The following LGALS9 variants were observed in gnomAD, a reference collection of about 807,000 sequenced individuals.
LGALS9 encodes galectin 9.
LGALS9 carries 26 observed loss-of-function variants against 35.9 expected under a neutral mutation model. The ratio of observed to expected loss-of-function variants is 0.72; its 90% CI spans 0.53 to 1.01. LGALS9 has a LOEUF of 1.01. LGALS9 is among the 50% of genes least tolerant of loss of function. LGALS9 has a pLI of 0.00. For synonymous variants in LGALS9, 149 were observed against 172.2 expected, an observed-to-expected ratio of 0.87 and a Z score of 1.06; for missense variants, 347 against 445.8, an observed-to-expected ratio of 0.78 and a Z score of 1.99.
At chr17:27,638,771 CTCTTT>C (rs2074483320) in intron 2 of LGALS9, 2 of 303,952 alleles carry the variant, frequency 6.6e-6, no homozygotes, top group Non-Finnish European at 1.3e-5. Context: ...GTAATTTGGT[CTCTTT>C]TGGTTTCAAG....
chr17:27,647,671 GTCACA>G (rs1905050369), intron 10 of LGALS9, among the ~76,000 whole-genome samples: 1 of 152,190 alleles, frequency 6.6e-6, no homozygotes, highest in South Asian at 2.1e-4. Flanking sequence ...CTTGCTTGTG[GTCACA>G]CAGTCAGTAA....
chr17:27,636,979 C>A (rs930158060), intron 1 of LGALS9, among the ~76,000 whole-genome samples: 15 of 152,058 alleles, frequency 9.9e-5, no homozygotes, highest in Admixed American at 2.0e-4. Context: ...CAGTCCCCAC[C>A]ACTCCCCCAC....
intron 7 of LGALS9, 74 bp from the exon 8 acceptor site, chr17:27,646,473 G>A (rs377017074): frequency 1.2e-5 from 20 of 1,606,462 alleles, no homozygotes; most frequent in African/African-American, 1.2e-4. Flanking sequence ...TCTCTAGAAC[G>A]CGTGGGTGCG....
In LGALS9 at chr17:27,646,652, C is replaced by T. The variant is rs1256830219; in HGVS notation, c.669+64C>T. ...GGTGGGCAGGCTGGGGGTGAAGGGC[C>T]GCTGTGGGGGGATCCACTGGCCTTG... is the stretch of plus-strand genomic sequence containing the variant. On this transcript the variant is annotated intron_variant, in intron 8 of 10. Coordinates refer to ENST00000395473, the MANE Select transcript of LGALS9 (RefSeq NM_009587.3). 9.5e-5 allele frequency: 153 copies of T among 1,609,342 alleles called. No homozygotes were observed. In the Middle Eastern group the frequency reaches 1.2e-3, roughly 12 times the overall value.
intron 3 of LGALS9, chr17:27,641,089 C>T (rs1598183820): frequency 3.7e-6 from 2 of 545,346 alleles, no homozygotes; most frequent in East Asian, 8.7e-5. Flanking sequence ...TTCCTCCTCT[C>T]CAGGTCACTG....
At position 27,646,587 on chromosome 17, in the gene LGALS9, A is replaced by T. The variant is rs372327965; in HGVS notation, c.668A>T (p.Tyr223Phe). ...CCTATGATGTACCCCCACCCCGCCT[A>T]TGTAAGTGGTTTCTCAGGGAGGGCA... ...IPPMMYPHPA[Y>F]PMPFITTILG... Residue 223 changes from tyrosine to phenylalanine, a missense_variant and splice_region_variant, in exon 8 of 11, where the codon TAT (tyrosine) becomes TTT (phenylalanine). By Grantham distance (22) the Tyr-to-Phe change is conservative. Coordinates refer to ENST00000395473, the MANE Select transcript of LGALS9 (RefSeq NM_009587.3). 16 of 1,612,420 alleles carry T rather than the reference A, an allele frequency of 9.9e-6. No individual in the cohort carries two copies. Among genetic ancestry groups the T allele is most frequent in the Non-Finnish European group, 1.3e-5 (15 of 1,179,932 alleles).
intron 1 of LGALS9, among the ~76,000 whole-genome samples, chr17:27,634,659 C>A (rs2074425453): frequency 6.6e-6 from 1 of 152,238 alleles, no homozygotes; most frequent in South Asian, 2.1e-4. Context: ...ACCTCTGACA[C>A]TGATCCTCCT....
chr17:27,639,593 A>C (rs1359879931), intron 2 of LGALS9, among the ~76,000 whole-genome samples: 3 of 152,052 alleles, frequency 2.0e-5, no homozygotes, highest in Non-Finnish European at 2.9e-5. Flanking sequence ...TTCTTTTGAG[A>C]CAGGGACTTT....
chr17:27,645,480 C>T lies in LGALS9; in HGVS notation c.576+131C>T, dbSNP rs192733687. 194 of 1,364,832 alleles carry T rather than the reference C, an allele frequency of 1.4e-4. 27 individuals carry two copies. Among genetic ancestry groups the T allele is most frequent in the Admixed American group, 3.1e-4 (14 of 45,528 alleles). 84.5% of individuals were successfully genotyped at this position (1,364,832 alleles called of 1,614,324 possible). On this transcript the variant is annotated intron_variant, in intron 6 of 10. Transcript: ENST00000395473. ...CACAGACCAGACCCTTGACCATCTG[C>T]CCGGCCTGGTGAGGTTGGGGGTTGG...
intron 2 of LGALS9, among the ~76,000 whole-genome samples, chr17:27,639,093 C>G (rs1175689146): frequency 2.0e-5 from 3 of 152,222 alleles, no homozygotes; most frequent in Admixed American, 6.5e-5. Flanking sequence ...TCGGAAGCCT[C>G]TCTGCCTCAG....
intron 10 of LGALS9, 139 bp from the exon 11 acceptor site, chr17:27,648,697 G>A (rs937198474): frequency 2.3e-5 from 33 of 1,420,848 alleles, no homozygotes; most frequent in Non-Finnish European, 2.9e-5. Flanking sequence ...AAGAGCCGTC[G>A]TTCAGTGGGG....
intron 8 of LGALS9, 26 bp downstream of exon 8, chr17:27,646,614 A>G: frequency 1.2e-6 from 2 of 1,612,972 alleles, no homozygotes; most frequent in Non-Finnish European, 1.7e-6. Context: ...GGGAGGGCAG[A>G]GGTTCTGTTT....
At chr17:27,643,731 G>T in intron 5 of LGALS9, 111 bp downstream of exon 5, 1 of 1,452,180 alleles carries the variant, frequency 6.9e-7, no homozygotes, top group Non-Finnish European at 9.1e-7. Context: ...GCCGCATCTT[G>T]CCCACCCAAG....
intron 5 of LGALS9, among the ~76,000 whole-genome samples, chr17:27,643,862 C>T (rs891791483): frequency 1.1e-4 from 17 of 152,272 alleles, no homozygotes; most frequent in Admixed American, 3.9e-4. Flanking sequence ...CTGAAGCCAC[C>T]GATGTGGTCC....
At position 27,649,344 on chromosome 17, in the gene LGALS9, T is replaced by C. The variant is rs1189203613; in HGVS notation, c.*362T>C. 3 of 354,866 alleles carry C rather than the reference T, an allele frequency of 8.5e-6. No individual in the cohort carries two copies. The highest frequency in any genetic ancestry group is 2.1e-5 in the African/African-American group (1 of 47,786). The allele number at this position is 354,866 out of a possible 1,614,324, so 22.0% of individuals were successfully genotyped here. A position where few individuals can be genotyped will look rare whatever the true frequency, so the allele number is the denominator to read the frequency against. Reference sequence around the variant, plus strand: ...CCCCAGTCCCAAGCCACCAGCTGTCTGCTCCTGGTGGGAGGTGGCCTCCTC... The same window carrying C: ...CCCCAGTCCCAAGCCACCAGCTGTCCGCTCCTGGTGGGAGGTGGCCTCCTC... On this transcript the variant is annotated 3_prime_UTR_variant, in exon 11 of 11. Transcript: ENST00000395473.
In LGALS9 at chr17:27,645,929, G is replaced by C; in HGVS notation, c.627+18G>C. The stretch of plus-strand genomic sequence containing the variant: ...TGTTCTCTGTAAGTCTACAAGTTCT[G>C]GTCAGTTCACAGCTGCACAGTGTCC... On this transcript the variant is annotated intron_variant, in intron 7 of 10. Coordinates refer to ENST00000395473, the MANE Select transcript of LGALS9 (RefSeq NM_009587.3). The C allele has an allele frequency of 3.7e-6, 6 of 1,607,212 alleles. No homozygotes were observed. Among genetic ancestry groups the C allele is most frequent in the Non-Finnish European group, 5.1e-6 (6 of 1,174,194 alleles).
chr17:27,637,566 G>T (rs558404028), intron 1 of LGALS9, among the ~76,000 whole-genome samples: 46 of 152,276 alleles, frequency 3.0e-4, no homozygotes, highest in African/African-American at 9.4e-4. Context: ...GCTAGGCCTC[G>T]GGGCTGCTGA....
chr17:27,647,108 A>G lies in LGALS9; in HGVS notation c.748A>G (p.Ser250Gly), dbSNP rs568676067. The change falls in exon 9 of 11, where the codon AGT (serine) becomes GGT (glycine). Residue 250 changes from serine to glycine, a missense_variant. Transcript: ENST00000395473. ...SILLSGTVLP[S>G]AQRFHINLCS... ...CCTCCTGTCAGGCACTGTCCTGCCC[A>G]GTGCTCAGAGGTAAGCCAAGGGCTC... The G allele has an allele frequency of 6.2e-7, 1 of 1,614,202 alleles. No homozygotes were observed. Among genetic ancestry groups the G allele is most frequent in the East Asian group, 2.2e-5 (1 of 44,878 alleles).
intron 1 of LGALS9, among the ~76,000 whole-genome samples, chr17:27,637,556 G>A (rs1169553025): frequency 1.3e-5 from 2 of 152,314 alleles, no homozygotes; most frequent in Admixed American, 6.5e-5. Flanking sequence ...GGGAAACCAC[G>A]CTAGGCCTCG....
Sources: gnomAD v4.1 joint callset for allele counts (sites outside exome capture counted in the v4.1 genomes callset) on GRCh38, gnomAD v4.1.1 for gene constraint, MANE v1.5 for transcripts, NCBI Gene and HGNC (gene_info 2026-07-23, HGNC 2026-07-21) for gene names.